The following AFAP1L2 variants were observed in gnomAD, a reference collection of about 807,000 sequenced individuals.
AFAP1L2 encodes actin filament-associated protein 1-like 2.
Under a neutral mutation model 99.3 loss-of-function variants are expected in AFAP1L2, and 46 were observed. The ratio of observed to expected loss-of-function variants is 0.46; its 90% confidence interval spans 0.37 to 0.59. The LOEUF (loss-of-function observed/expected upper bound fraction) is 0.59, where lower values mean the gene tolerates loss of function less well. AFAP1L2 is among the 20% of genes least tolerant of loss of function. The pLI is 0.00. For synonymous variants in AFAP1L2, 397 were observed against 419.1 expected, an observed-to-expected ratio of 0.95 and a Z score of 0.64; for missense variants, 959 against 1,034.9, an observed-to-expected ratio of 0.93 and a Z score of 1.01.
At position 114,304,866 on chromosome 10, in the gene AFAP1L2, G is replaced by A. The variant is rs1235581961; in HGVS notation, c.1137C>T (p.His379=). 4 of 1,613,344 alleles carry A rather than the reference G, an allele frequency of 2.5e-6. No individual in the cohort carries two copies. The South Asian group carries it at 3.3e-5, about 13-fold the overall frequency. Residue 379 remains histidine, a synonymous_variant, in exon 11 of 19, where the codon CAC becomes CAT. Coordinates refer to ENST00000304129, the MANE Select transcript of AFAP1L2 (RefSeq NM_001001936.3). ...GGTTCCGGTCCTGGTAGAAGTGCAGGTGATTGTCCCTGACAGAGCACCAGC... is the reference window on the plus strand; with the variant it reads ...GGTTCCGGTCCTGGTAGAAGTGCAGATGATTGTCCCTGACAGAGCACCAGC... ...KSRWCSVRDN[H]LHFYQDRNRS... is the part of the protein sequence containing the mutation.
At chr10:114,314,097 C>A in intron 6 of AFAP1L2, 47 bp from the exon 7 acceptor site, 6 of 1,570,556 alleles carry the variant, frequency 3.8e-6, no homozygotes, top group Non-Finnish European at 3.5e-6. Context: ...GGGTGCCGGG[C>A]GGAGGTGATG....
intron 16 of AFAP1L2, 83 bp from the exon 17 acceptor site, chr10:114,297,496 A>C (rs1175172130): frequency 5.7e-6 from 8 of 1,409,116 alleles, no homozygotes; most frequent in Non-Finnish European, 7.7e-6. Flanking sequence ...CAGGGTCTAC[A>C]TACCCCGCCA....
chr10:114,314,203 G>A (rs767211503), intron 6 of AFAP1L2, among the ~76,000 whole-genome samples, 153 bp from the exon 7 acceptor site: 5 of 152,160 alleles, frequency 3.3e-5, no homozygotes, highest in Non-Finnish European at 7.3e-5. Context: ...AGCAGGCCTG[G>A]AGCCTTAACC....
At chr10:114,298,462 C>A (rs1423975068) in intron 16 of AFAP1L2, among the ~76,000 whole-genome samples, 1 of 152,212 alleles carries the variant, frequency 6.6e-6, no homozygotes, top group Admixed American at 6.5e-5. Flanking sequence ...TGCACCGCTG[C>A]TCTTGCTTAT....
At chr10:114,288,964 G>A in the AFAP1L2 span, 67 of 1,612,392 alleles carry the variant, frequency 4.2e-5, no homozygotes, top group African/African-American at 2.7e-4. Flanking sequence ...CCTGGACCTC[G>A]TCTTCATGTT....
intron 1 of AFAP1L2, among the ~76,000 whole-genome samples, chr10:114,347,115 T>TC (rs2049719334): frequency 6.6e-6 from 1 of 152,226 alleles, no homozygotes; most frequent in South Asian, 2.1e-4. Context: ...AAAGACTGTA[T>TC]CCCTCTGCCC....
Position 114,355,138 on chromosome 10 carries a change from G to A in AFAP1L2, c.17-14407C>T, listed in dbSNP as rs547171459. Reference sequence around the variant, plus strand: ...GTGCTGATGATGGCCAACAAACACCGAGGGGTATGGCTGTAATCGGTGCTA... The same window carrying A: ...GTGCTGATGATGGCCAACAAACACCAAGGGGTATGGCTGTAATCGGTGCTA... On this transcript the variant is annotated intron_variant, in intron 1 of 18. Coordinates refer to ENST00000304129, the MANE Select transcript of AFAP1L2 (RefSeq NM_001001936.3). 4.5e-4 allele frequency among the ~76,000 whole-genome samples: 69 copies of A among 152,312 alleles called. 1 individual carries two copies. The highest frequency in any genetic ancestry group is 3.4e-3 in the Middle Eastern group (1 of 294).
At chr10:114,392,087 T>C (rs936477851) in intron 1 of AFAP1L2, among the ~76,000 whole-genome samples, 2 of 152,248 alleles carry the variant, frequency 1.3e-5, no homozygotes, top group Non-Finnish European at 2.9e-5. Context: ...GAGAAACCCA[T>C]AGACAGAATC....
intron 1 of AFAP1L2, among the ~76,000 whole-genome samples, chr10:114,396,629 T>A (rs905134697): frequency 9.9e-5 from 15 of 152,206 alleles, no homozygotes; most frequent in South Asian, 2.1e-4. Flanking sequence ...CAGACTTGAT[T>A]ACTCAATTCT....
At chr10:114,357,365 C>T (rs1209087594) in intron 1 of AFAP1L2, among the ~76,000 whole-genome samples, 1 of 152,156 alleles carries the variant, frequency 6.6e-6, no homozygotes, top group African/African-American at 2.4e-5. Context: ...TCTAATGCAA[C>T]ACCCACACAC....
At chr10:114,396,925 T>C (rs2057775078) in intron 1 of AFAP1L2, among the ~76,000 whole-genome samples, 1 of 152,214 alleles carries the variant, frequency 6.6e-6, no homozygotes, top group South Asian at 2.1e-4. Context: ...TTGGCCTTTT[T>C]GTTTTGTACC....
In AFAP1L2 at chr10:114,313,899, C is replaced by A. The variant is rs1329301400; in HGVS notation, c.764G>T (p.Ser255Ile). ...GAGCCACTGCTCAGCCTGGTCCTTG[C>A]TCTGCAGGCCCAGCACAATCACATC... ...NADVIVLGLQ[S>I]KDQAEQWLRV... Residue 255 changes from serine to isoleucine, a missense_variant, in exon 7 of 19, where the codon AGC (serine) becomes ATC (isoleucine). By Grantham distance (142) the Ser-to-Ile change is moderately radical. Transcript: ENST00000304129. 2 of 1,613,070 alleles carry A rather than the reference C, an allele frequency of 1.2e-6. No individual in the cohort carries two copies. Among genetic ancestry groups the A allele is most frequent in the Non-Finnish European group, 1.7e-6 (2 of 1,179,466 alleles).
At chr10:114,301,250 C>T (rs2041129444) in intron 13 of AFAP1L2, 104 bp downstream of exon 13, 1 of 929,442 alleles carries the variant, frequency 1.1e-6, no homozygotes, top group South Asian at 1.5e-5. Context: ...AGAACCCACT[C>T]ATCTCATCTC....
At chr10:114,392,264 C>A (rs183368260) in intron 1 of AFAP1L2, among the ~76,000 whole-genome samples, 2 of 152,270 alleles carry the variant, frequency 1.3e-5, no homozygotes, top group East Asian at 3.9e-4. Context: ...GTAGTGTGCA[C>A]CTGTAGTCCC....
At chr10:114,372,509 G>A (rs901790158) in intron 1 of AFAP1L2, among the ~76,000 whole-genome samples, 5 of 152,142 alleles carry the variant, frequency 3.3e-5, no homozygotes, top group Middle Eastern at 3.4e-3. Context: ...AGCCAGCTCC[G>A]GAAGCTTCCA....
intron 1 of AFAP1L2, among the ~76,000 whole-genome samples, chr10:114,373,953 C>G (rs765630186): frequency 5.3e-5 from 8 of 152,076 alleles, no homozygotes; most frequent in Non-Finnish European, 8.8e-5. Context: ...GGTTGGGATG[C>G]AGTGAAGTCC....
chr10:114,355,693 C>T (rs1026531544), intron 1 of AFAP1L2, among the ~76,000 whole-genome samples: 14 of 152,090 alleles, frequency 9.2e-5, no homozygotes, highest in East Asian at 1.9e-4. Flanking sequence ...CTGTCGGGTC[C>T]GGGCACAGTG....
At chr10:114,303,235 G>A (rs567362853) in intron 11 of AFAP1L2, among the ~76,000 whole-genome samples, 29 of 152,206 alleles carry the variant, frequency 1.9e-4, no homozygotes, top group African/African-American at 5.5e-4. Flanking sequence ...GCTCCATCAC[G>A]TTTGCTGCTA....
At chr10:114,325,807 T>G in intron 4 of AFAP1L2, 5 of 1,200,150 alleles carry the variant, frequency 4.2e-6, no homozygotes, top group Non-Finnish European at 4.3e-6. Flanking sequence ...GAGAAAAGGC[T>G]GAGACAGTGA....
Sources: gnomAD v4.1 joint callset for allele counts (sites outside exome capture counted in the v4.1 genomes callset) on GRCh38, gnomAD v4.1.1 for gene constraint, MANE v1.5 for transcripts, NCBI Gene and HGNC (gene_info 2026-07-23, HGNC 2026-07-21) for gene names.